EFNA5: variants seen among roughly 807,000 people sequenced by gnomAD.
The protein encoded by EFNA5 is ephrin-A5.
A neutral mutation model predicts 22.9 loss-of-function variants in EFNA5; 5 were observed. The observed-to-expected ratio is 0.22, with a 90% CI of 0.11 to 0.46. The LOEUF (loss-of-function observed/expected upper bound fraction) is 0.46. Ranked by LOEUF, EFNA5 falls within the 20% of genes least tolerant of loss-of-function variation. The pLI is 0.99. For missense variants in EFNA5, 237 were observed against 293.3 expected (o/e 0.81, Z 1.40); for synonymous variants, 113 against 112.2 (o/e 1.01, Z -0.04).
chr5:107,618,688 CAA>C (rs1216685278), intron 1 of EFNA5, among the ~76,000 whole-genome samples: 1 of 152,114 alleles, frequency 6.6e-6, no homozygotes, highest in Non-Finnish European at 1.5e-5. Flanking sequence ...AAAACTTATA[CAA>C]AACAAGAGGA....
At chr5:107,581,196 G>A (rs1749067771) in intron 1 of EFNA5, among the ~76,000 whole-genome samples, 1 of 152,098 alleles carries the variant, frequency 6.6e-6, no homozygotes, top group East Asian at 1.9e-4. Flanking sequence ...ATAACTTCCA[G>A]AAACATCGCA....
chr5:107,506,337 T>C (rs1402225359), intron 1 of EFNA5: 1 of 152,246 alleles, frequency 6.6e-6, no homozygotes, highest in African/African-American at 2.4e-5. Flanking sequence ...GAGTAAATGA[T>C]TAACCTGTCA....
chr5:107,435,315 C>CTTT (rs3999107), intron 1 of EFNA5, among the ~76,000 whole-genome samples: 94 of 104,574 alleles, frequency 9.0e-4, no homozygotes, highest in African/African-American at 1.2e-3. Flanking sequence ...TGAAGATGCT[C>CTTT]TTTTTTTTTT....
chr5:107,403,887 A>G (rs554946684), intron 2 of EFNA5, among the ~76,000 whole-genome samples: 39 of 152,328 alleles, frequency 2.6e-4, no homozygotes, highest in Admixed American at 1.2e-3. Flanking sequence ...AATAAACCTT[A>G]ATATGGAACA....
chr5:107,628,733 A>C (rs1394078221), intron 1 of EFNA5, among the ~76,000 whole-genome samples: 3 of 152,190 alleles, frequency 2.0e-5, no homozygotes, highest in Non-Finnish European at 4.4e-5. Context: ...ATGGATGTGA[A>C]TCCCATGCAA....
At chr5:107,515,418 T>C (rs528560609) in intron 1 of EFNA5, among the ~76,000 whole-genome samples, 7 of 150,042 alleles carry the variant, frequency 4.7e-5, no homozygotes, top group Non-Finnish European at 1.0e-4. Flanking sequence ...CTTGCTGTGT[T>C]GCCAGGCTAG....
intron 1 of EFNA5, among the ~76,000 whole-genome samples, chr5:107,648,616 A>T (rs1561459624): frequency 6.6e-6 from 1 of 152,144 alleles, no homozygotes; most frequent in Non-Finnish European, 1.5e-5. Context: ...CAGATACAGC[A>T]CAGTTGCGAT....
intron 1 of EFNA5, among the ~76,000 whole-genome samples, chr5:107,457,890 G>A (rs537500): frequency 0.3 from 45,946 of 151,902 alleles, 7,394 homozygotes; most frequent in South Asian, 0.39. Flanking sequence ...ATGTTAATTC[G>A]TTTGCTCCTT....
intron 2 of EFNA5, among the ~76,000 whole-genome samples, chr5:107,403,262 A>T (rs1748131270): frequency 1.3e-5 from 2 of 152,218 alleles, no homozygotes; most frequent in South Asian, 4.1e-4. Context: ...ATGACCCGAG[A>T]AGGTTAGTCT....
At chr5:107,459,273 A>C (rs1218948281) in intron 1 of EFNA5, among the ~76,000 whole-genome samples, 1 of 151,818 alleles carries the variant, frequency 6.6e-6, no homozygotes, top group East Asian at 1.9e-4. Context: ...GAATAGCTTG[A>C]ACCTGGGAGG....
rs141010940 is a variant in EFNA5 at position 107,486,222 on chromosome 5, G to A, written c.126-58713C>T. On this transcript the variant is annotated intron_variant, in intron 1 of 4. Coordinates refer to ENST00000333274, the MANE Select transcript of EFNA5 (RefSeq NM_001962.3). ...AGATGATTCCTGAGTGTGTGTGAAA[G>A]AGCACCCAGGCCCTGCTAGAAAAAA... Among the ~76,000 whole-genome samples the A allele has an allele frequency of 7.6e-4, 115 of 152,290 alleles. No individual in the cohort carries two copies. The East Asian group carries it at 0.011, about 15-fold the overall frequency.
rs549569000 is a variant in EFNA5, at chr5:107,503,445, T to C, written c.126-75936A>G. Among the ~76,000 whole-genome samples, 348 of 152,312 alleles carry C rather than the reference T, an allele frequency of 2.3e-3. 2 individuals carry two copies. Among genetic ancestry groups the C allele is most frequent in the Middle Eastern group, 0.01 (3 of 294 alleles). On this transcript the variant is annotated intron_variant, in intron 1 of 4. Transcript: ENST00000333274. Reference sequence around the variant, plus strand: ...AATAATGTGATCTTCTAAGAAGAGGTGTTCCGATGTCTATCTCCAGAATTC... The same window carrying C: ...AATAATGTGATCTTCTAAGAAGAGGCGTTCCGATGTCTATCTCCAGAATTC...
Position 107,607,827 on chromosome 5 carries a change from C to T in EFNA5, c.125+62662G>A, listed in dbSNP as rs1224884027. On this transcript the variant is annotated intron_variant, in intron 1 of 4. Transcript: ENST00000333274. ...CACCTTGCTTACGGTGCATGACCCA[C>T]ATCTATAAAAAGACCTGGACCAGAC... 6.6e-5 allele frequency among the ~76,000 whole-genome samples: 10 copies of T among 152,130 alleles called. 1 individual carries two copies. Among genetic ancestry groups the T allele is most frequent in the Non-Finnish European group, 1.2e-4 (8 of 68,026 alleles).
intron 1 of EFNA5, among the ~76,000 whole-genome samples, chr5:107,625,779 CAGCT>C (rs1750129198): frequency 6.6e-6 from 1 of 152,210 alleles, no homozygotes; most frequent in African/African-American, 2.4e-5. Context: ...TCTTTCTCCT[CAGCT>C]ACCCCTAAAT....
Position 107,537,274 on chromosome 5 carries a change from A to G in EFNA5, c.126-109765T>C, listed in dbSNP as rs556012889. Among the ~76,000 whole-genome samples the G allele has an allele frequency of 9.9e-5, 15 of 151,758 alleles. 1 individual carries two copies. The South Asian group carries it at 1.7e-3, about 17-fold the overall frequency. Reference sequence around the variant, plus strand: ...TTTGGGAGGCCGAGGTGGGTGGATCACTTGAGGTCAGGAGTTTGAGATCAG... The same window carrying G: ...TTTGGGAGGCCGAGGTGGGTGGATCGCTTGAGGTCAGGAGTTTGAGATCAG... On this transcript the variant is annotated intron_variant, in intron 1 of 4. Coordinates refer to ENST00000333274, the MANE Select transcript of EFNA5 (RefSeq NM_001962.3).
chr5:107,569,565 A>ATGTGTG (rs1162163126), intron 1 of EFNA5, among the ~76,000 whole-genome samples: 35 of 21,768 alleles, frequency 1.6e-3, no homozygotes, highest in South Asian at 6.3e-3. Context: ...ATATTTATAT[A>ATGTGTG]TATATATATA....
intron 1 of EFNA5, among the ~76,000 whole-genome samples, chr5:107,487,236 C>T (rs1203996520): frequency 6.6e-6 from 1 of 152,140 alleles, no homozygotes; most frequent in Non-Finnish European, 1.5e-5. Flanking sequence ...CTCCCTCTTC[C>T]CCCCGGGTGA....
intron 2 of EFNA5, among the ~76,000 whole-genome samples, chr5:107,397,230 G>A (rs561351392): frequency 1.3e-5 from 2 of 152,052 alleles, no homozygotes; most frequent in Non-Finnish European, 2.9e-5. Context: ...CAGCCCTGTC[G>A]GCAGGGTGAG....
intron 1 of EFNA5, among the ~76,000 whole-genome samples, chr5:107,552,045 T>C (rs1330348255): frequency 6.6e-6 from 1 of 152,158 alleles, no homozygotes; most frequent in Non-Finnish European, 1.5e-5. Flanking sequence ...ACTCAAGTTT[T>C]TTTTTTCAAT....
Sources: allele counts gnomAD v4.1 joint callset (sites outside exome capture counted in the v4.1 genomes callset), GRCh38; gene constraint gnomAD v4.1.1; transcripts MANE v1.5; gene names NCBI Gene and HGNC (gene_info 2026-07-23, HGNC 2026-07-21).